The following USH1C variants were observed in gnomAD, a reference collection of about 807,000 sequenced individuals.
USH1C encodes harmonin.
Under a neutral mutation model 119.3 loss-of-function variants are expected in USH1C, and 90 were observed. The ratio of observed to expected loss-of-function variants is 0.75; its 90% CI spans 0.64 to 0.90. The LOEUF (loss-of-function observed/expected upper bound fraction) is 0.90, where lower values mean the gene tolerates loss of function less well. USH1C is among the 40% of genes least tolerant of loss of function. The pLI is 0.00. For missense variants in USH1C, 1,165 were observed against 1,167.7 expected (o/e 1.00, Z 0.03); for synonymous variants, 465 against 443.3 (o/e 1.05, Z -0.62).
At chr11:17,527,372 G>A (rs746701237) in intron 4 of USH1C, 41 bp from the exon 5 acceptor site, 5 of 1,507,576 alleles carry the variant, frequency 3.3e-6, no homozygotes, top group Non-Finnish European at 4.6e-6. Flanking sequence ...GGTGGAGGGA[G>A]CATCAGGCAG....
intron 23 of USH1C, among the ~76,000 whole-genome samples, chr11:17,498,561 A>G (rs897919610): frequency 6.6e-6 from 1 of 152,190 alleles, no homozygotes; most frequent in African/African-American, 2.4e-5. Flanking sequence ...CTGCATTTCC[A>G]GCACAGTATG....
intron 20 of USH1C, among the ~76,000 whole-genome samples, chr11:17,502,428 G>A (rs1468538962): frequency 6.6e-6 from 1 of 152,214 alleles, no homozygotes; most frequent in Non-Finnish European, 1.5e-5. Context: ...CCCACAGGAG[G>A]GGCCCATCCA....
chr11:17,526,951 C>A (rs1850708535), intron 6 of USH1C, 65 bp downstream of exon 6: 4 of 1,564,620 alleles, frequency 2.6e-6, no homozygotes, highest in Non-Finnish European at 3.5e-6. Context: ...GAGCCGGACC[C>A]CAGGGCTGTA....
At position 17,516,286 on chromosome 11, in the gene USH1C, A is replaced by C. The variant is rs770131676; in HGVS notation, c.1215T>G (p.Phe405Leu). ...HPVPLRKPKS[F>L]GWFYRYDGKF... ...TGCCATCGTAACGATAAAACCATCC[A>C]AAAGCTATAAGACACAGATAACAAA... The change falls in exon 15 of 27, where the codon TTT (phenylalanine) becomes TTG (leucine). Residue 405 changes from phenylalanine (F) to leucine (L), a missense_variant. By Grantham distance (22) the Phe-to-Leu change is conservative. Coordinates refer to ENST00000005226, the MANE Select transcript of USH1C (RefSeq NM_153676.4). 1.9e-6 allele frequency: 3 copies of C among 1,613,102 alleles called. No individual in the cohort carries two copies. The Admixed American group carries it at 5.0e-5, about 27-fold the overall frequency.
intron 15 of USH1C, among the ~76,000 whole-genome samples, chr11:17,513,020 T>C (rs1267111972): frequency 2.0e-5 from 3 of 152,344 alleles, no homozygotes; most frequent in South Asian, 4.1e-4. Flanking sequence ...AAGGGATTTA[T>C]ACCAATGATC....
chr11:17,544,139 C>T (rs1369062277), intron 1 of USH1C, 133 bp downstream of exon 1: 3 of 1,188,108 alleles, frequency 2.5e-6, no homozygotes, highest in African/African-American at 1.5e-5. Flanking sequence ...AGACGACCCT[C>T]GGGTGTCCCA....
chr11:17,525,373 A>T (rs905029877), intron 8 of USH1C, among the ~76,000 whole-genome samples: 3 of 152,226 alleles, frequency 2.0e-5, no homozygotes, highest in African/African-American at 7.2e-5. Flanking sequence ...CTTGGCACAA[A>T]ACATTGAATA....
chr11:17,520,309 A>G (rs550804192), intron 14 of USH1C, among the ~76,000 whole-genome samples: 1 of 152,280 alleles, frequency 6.6e-6, no homozygotes, highest in East Asian at 1.9e-4. Context: ...CAGCACAGCC[A>G]CAGCCCATAG....
chr11:17,519,552 T>G (rs1469889252), intron 14 of USH1C, among the ~76,000 whole-genome samples: 3 of 152,214 alleles, frequency 2.0e-5, no homozygotes, highest in African/African-American at 7.2e-5. Context: ...ATTACTTCCA[T>G]GAGAAGCAAT....
intron 26 of USH1C, 26 bp from the exon 27 acceptor site, chr11:17,494,402 G>A (rs774977704): frequency 7.8e-5 from 123 of 1,583,712 alleles, no homozygotes; most frequent in African/African-American, 3.1e-4. Flanking sequence ...AACAGCCCAG[G>A]TGGATACAGG....
intron 22 of USH1C, 94 bp from the exon 23 acceptor site, chr11:17,501,244 A>G (rs1849431703): frequency 8.6e-7 from 1 of 1,164,194 alleles, no homozygotes; most frequent in Non-Finnish European, 1.3e-6. Context: ...CCACAGTAAG[A>G]GTGGAAGAAG....
intron 8 of USH1C, among the ~76,000 whole-genome samples, chr11:17,524,816 C>A (rs1850586203): frequency 6.6e-6 from 1 of 152,082 alleles, no homozygotes; most frequent in Admixed American, 6.5e-5. Flanking sequence ...AATGCTATCC[C>A]TTCTATAAGG....
intron 1 of USH1C, among the ~76,000 whole-genome samples, chr11:17,543,152 G>A (rs1592046686): frequency 6.6e-6 from 1 of 152,314 alleles, no homozygotes; most frequent in East Asian, 1.9e-4. Context: ...CTGACCCCGG[G>A]CCCTTGGCCC....
In USH1C at chr11:17,509,829, C is replaced by A; in HGVS notation, c.1540G>T (p.Gly514Trp). Residue 514 changes from glycine (G) to tryptophan (W), a missense_variant, in exon 18 of 27, where the codon GGG becomes TGG. Physicochemically the swap from Gly to Trp is radical, Grantham distance 184 (BLOSUM62 -2). Coordinates refer to ENST00000005226, the MANE Select transcript of USH1C (RefSeq NM_153676.4). ...ADNEISEMTTGPPPPPPSVSP... is the reference protein window; with the variant it reads ...ADNEISEMTTWPPPPPPSVSP... ...ACAGAAGGCGGGGGAGGCGGGGGCC[C>A]TGTGGTCATCTGGGGGTGTTGCAAG... 1 of 1,594,344 alleles carries A rather than the reference C, an allele frequency of 6.3e-7. No individual in the cohort carries two copies. The highest frequency in any genetic ancestry group is 1.1e-5 in the South Asian group (1 of 90,302).
rs1392006029 is a variant in USH1C at position 17,522,851 on chromosome 11, G to T, written c.952C>A (p.Leu318Ile). Residue 318 changes from leucine (L) to isoleucine (I), a missense_variant, in exon 12 of 27, where the codon CTC becomes ATC. By Grantham distance (5) the Leu-to-Ile change is conservative. Coordinates refer to ENST00000005226, the MANE Select transcript of USH1C (RefSeq NM_153676.4). Reference sequence around the variant, plus strand: ...TCCATCGCCAGCCGCTTCTGCATGAGAAGCTCCTGCCGCTGCAGCTCACGC... The same window carrying T: ...TCCATCGCCAGCCGCTTCTGCATGATAAGCTCCTGCCGCTGCAGCTCACGC... ...RQRELQRQEL[L>I]MQKRLAMESN... 3.1e-6 allele frequency: 5 copies of T among 1,612,676 alleles called. No homozygotes were observed. The African/African-American group carries it at 6.7e-5, about 22-fold the overall frequency.
At chr11:17,505,546 C>T (rs1849616204) in intron 19 of USH1C, among the ~76,000 whole-genome samples, 1 of 152,234 alleles carries the variant, frequency 6.6e-6, no homozygotes, top group Admixed American at 6.5e-5. Context: ...CCATGCAGAG[C>T]CTGGTATATA....
Position 17,504,657 on chromosome 11 carries a change from G to A in USH1C, c.2174C>T (p.Ala725Val). The A allele has an allele frequency of 2.5e-6, 4 of 1,614,050 alleles. No homozygotes were observed. Among genetic ancestry groups the A allele is most frequent in the South Asian group, 2.2e-5 (2 of 91,066 alleles). ...TGGGTATCAGTTTACTTGTCTGAAT[G>A]CTGTCTGATAAACCACCATCCTCTT... ...MLKRMVVYQT[A>V]FRQDFRKYEE... The change falls in exon 20 of 27, where the codon GCA becomes GTA. Residue 725 changes from alanine (A) to valine (V), a missense_variant. Ala to Val is a moderately conservative substitution (Grantham distance 64). Transcript: ENST00000005226.
chr11:17,521,695 G>A (rs540757459), intron 12 of USH1C, among the ~76,000 whole-genome samples: 1 of 152,210 alleles, frequency 6.6e-6, no homozygotes, highest in Non-Finnish European at 1.5e-5. Context: ...CAAACACTTA[G>A]GTAAGGTGAC....
Position 17,521,489 on chromosome 11 carries a change from T to C in USH1C, c.1020-78A>G, listed in dbSNP as rs1042868755. On this transcript the variant is annotated intron_variant, in intron 12 of 26. Coordinates refer to ENST00000005226, the MANE Select transcript of USH1C (RefSeq NM_153676.4). ...TCTTCCTTACTGTGAATTCTTGATT[T>C]GGAGAAAAGTTGGATTTTTCTCCAG... 3.9e-6 allele frequency: 6 copies of C among 1,521,918 alleles called. No homozygotes were observed. In the African/African-American group the frequency reaches 6.8e-5, roughly 17 times the overall value. 94.3% of individuals were successfully genotyped at this position (1,521,918 alleles called of 1,614,324 possible).
Sources: allele counts gnomAD v4.1 joint callset (sites outside exome capture counted in the v4.1 genomes callset), GRCh38; gene constraint gnomAD v4.1.1; transcripts MANE v1.5; gene names NCBI Gene and HGNC (gene_info 2026-07-23, HGNC 2026-07-21).